PTPRT: variants seen among roughly 807,000 people sequenced by gnomAD.
PTPRT encodes the protein protein tyrosine phosphatase receptor type T.
PTPRT carries 56 observed loss-of-function variants against 176.8 expected under a neutral mutation model. The ratio of observed to expected loss-of-function variants is 0.32; its 90% CI spans 0.26 to 0.40. PTPRT has a LOEUF of 0.40. PTPRT is among the 10% of genes least tolerant of loss of function. The pLI, the probability that PTPRT is intolerant of heterozygous loss-of-function variation, is 1.00. For synonymous variants in PTPRT, 783 were observed against 739.0 expected (o/e 1.06, Z -0.96); for missense variants, 1,540 against 1,908.2 (o/e 0.81, Z 3.60).
At chr20:42,879,943 C>G (rs2145848826) in intron 2 of PTPRT, among the ~76,000 whole-genome samples, 1 of 152,212 alleles carries the variant, frequency 6.6e-6, no homozygotes, top group South Asian at 2.1e-4. Context: ...TTTTCTAACT[C>G]TAAACTTACT....
chr20:42,856,050 G>A (rs1435927392), intron 2 of PTPRT, among the ~76,000 whole-genome samples: 2 of 152,132 alleles, frequency 1.3e-5, no homozygotes, highest in Admixed American at 6.5e-5. Context: ...TAAAGCAGCT[G>A]ACTCATTTTG....
intron 6 of PTPRT, among the ~76,000 whole-genome samples, chr20:42,748,881 C>T (rs1051862834): frequency 2.6e-4 from 39 of 152,094 alleles, no homozygotes; most frequent in East Asian, 5.8e-4. Context: ...GAGCTCCAGA[C>T]GGTCACAGCA....
intron 7 of PTPRT, among the ~76,000 whole-genome samples, chr20:42,643,489 T>G (rs1463670583): frequency 2.6e-5 from 4 of 151,412 alleles, no homozygotes; most frequent in Non-Finnish European, 5.9e-5. Flanking sequence ...ACTCAGCTAT[T>G]TTTTTTTAAT....
At position 43,083,027 on chromosome 20, in the gene PTPRT, G is replaced by A. The variant is rs147576371; in HGVS notation, c.88+106619C>T. 5.9e-5 allele frequency among the ~76,000 whole-genome samples: 9 copies of A among 151,606 alleles called. No individual in the cohort carries two copies. In the South Asian group the frequency reaches 1.3e-3, roughly 21 times the overall value. On this transcript the variant is annotated intron_variant, in intron 1 of 30. Transcript: ENST00000373187. ...GCTATATAAACCCCTAATTTTAGTC[G>A]GTCAGGGAGATGGATTTGAGACTGA...
chr20:42,800,222 G>A (rs1435206280), intron 2 of PTPRT, among the ~76,000 whole-genome samples: 4 of 152,184 alleles, frequency 2.6e-5, no homozygotes, highest in Admixed American at 6.5e-5. Context: ...GCTGGTAGCA[G>A]AGCCAGGATT....
chr20:43,088,227 A>G (rs1490286127), intron 1 of PTPRT, among the ~76,000 whole-genome samples: 4 of 152,204 alleles, frequency 2.6e-5, no homozygotes, highest in African/African-American at 9.6e-5. Flanking sequence ...AGTAGTCAAC[A>G]TGAATAATAC....
At chr20:42,916,668 G>T (rs1410709718) in intron 1 of PTPRT, among the ~76,000 whole-genome samples, 1 of 152,190 alleles carries the variant, frequency 6.6e-6, no homozygotes, top group Admixed American at 6.5e-5. Flanking sequence ...TAACTGGTGT[G>T]AGATGGTATC....
At chr20:42,136,644 C>G (rs532393973) in intron 18 of PTPRT, among the ~76,000 whole-genome samples, 1 of 152,132 alleles carries the variant, frequency 6.6e-6, no homozygotes, top group African/African-American at 2.4e-5. Flanking sequence ...AAGAGAGGAC[C>G]ACCTGTGTCC....
chr20:43,010,729 GA>G (rs140518179), intron 1 of PTPRT, among the ~76,000 whole-genome samples: 37,676 of 140,820 alleles, frequency 0.27, 5,055 homozygotes, highest in African/African-American at 0.37. Context: ...CCACTTGCAA[GA>G]AAAAAAAAAA....
At chr20:42,627,013 AG>A (rs1353839479) in intron 7 of PTPRT, among the ~76,000 whole-genome samples, 1 of 144,170 alleles carries the variant, frequency 6.9e-6, no homozygotes, top group African/African-American at 2.6e-5. Context: ...TCTCCTGTAA[AG>A]GGTCATCAAT....
chr20:43,111,690 G>A (rs1202092926), intron 1 of PTPRT, among the ~76,000 whole-genome samples: 2 of 152,106 alleles, frequency 1.3e-5, no homozygotes, highest in Non-Finnish European at 1.5e-5. Flanking sequence ...GGTGAGAAGT[G>A]AGGTCTCAGA....
intron 14 of PTPRT, among the ~76,000 whole-genome samples, chr20:42,243,103 C>A (rs1032554656): frequency 1.3e-5 from 2 of 150,978 alleles, no homozygotes; most frequent in African/African-American, 4.9e-5. Context: ...GAGACAGAGA[C>A]AGAGAGACAG....
intron 16 of PTPRT, among the ~76,000 whole-genome samples, chr20:42,172,678 T>C (rs1190548141): frequency 1.3e-5 from 2 of 152,192 alleles, no homozygotes; most frequent in Non-Finnish European, 2.9e-5. Flanking sequence ...AAAATTGACA[T>C]ATATGTTACT....
chr20:42,943,323 G>A (rs374768669), intron 1 of PTPRT, among the ~76,000 whole-genome samples: 6 of 152,202 alleles, frequency 3.9e-5, no homozygotes, highest in Non-Finnish European at 8.8e-5. Context: ...TGACCCATCC[G>A]CTCTAAAGCC....
chr20:43,055,819 C>A (rs1456745018), intron 1 of PTPRT, among the ~76,000 whole-genome samples: 1 of 152,100 alleles, frequency 6.6e-6, no homozygotes, highest in Non-Finnish European at 1.5e-5. Context: ...ACTGTGTGAT[C>A]CCCAAGATGC....
chr20:42,944,642 A>C (rs1453452728), intron 1 of PTPRT, among the ~76,000 whole-genome samples: 1 of 152,132 alleles, frequency 6.6e-6, no homozygotes, highest in East Asian at 1.9e-4. Flanking sequence ...CTCCACCTGG[A>C]GACCTCCCCA....
chr20:42,853,697 C>T (rs776376433), intron 2 of PTPRT, among the ~76,000 whole-genome samples: 23 of 152,196 alleles, frequency 1.5e-4, no homozygotes, highest in African/African-American at 5.5e-4. Context: ...TCTAGAAACA[C>T]CCTCACAGGC....
intron 7 of PTPRT, among the ~76,000 whole-genome samples, chr20:42,558,020 AG>A (rs2072889720): frequency 6.6e-6 from 1 of 152,200 alleles, no homozygotes; most frequent in African/African-American, 2.4e-5. Context: ...GTATAAGTAC[AG>A]GTTTGTTATA....
chr20:42,315,665 T>A, intron 12 of PTPRT, 58 bp downstream of exon 12: 2 of 1,567,388 alleles, frequency 1.3e-6, no homozygotes, highest in Non-Finnish European at 1.7e-6. Flanking sequence ...TGACTTATCA[T>A]TTGAGAATGA....
Sources: gnomAD v4.1 joint callset for allele counts (sites outside exome capture counted in the v4.1 genomes callset) on GRCh38, gnomAD v4.1.1 for gene constraint, MANE v1.5 for transcripts, NCBI Gene and HGNC (gene_info 2026-07-23, HGNC 2026-07-21) for gene names.